PHF21A: variants seen among roughly 807,000 people sequenced by gnomAD.
PHF21A encodes the protein BHC80a.
PHF21A carries 11 observed loss-of-function variants against 82.5 expected under a neutral mutation model. The observed-to-expected ratio is 0.13, with a 90% CI of 0.08 to 0.22. PHF21A has a LOEUF of 0.22. PHF21A is among the 10% of genes least tolerant of loss of function. The pLI is 1.00. For missense variants in PHF21A, 579 were observed against 837.8 expected (o/e 0.69, Z 3.81); for synonymous variants, 297 against 302.8 (o/e 0.98, Z 0.20).
intron 6 of PHF21A, among the ~76,000 whole-genome samples, chr11:46,018,424 G>C (rs1026113756): frequency 4.6e-5 from 7 of 152,060 alleles, no homozygotes; most frequent in Non-Finnish European, 7.4e-5. Flanking sequence ...CTTAGCCTCT[G>C]GTGTATTTGG....
chr11:45,975,707 A>C (rs1591485166), intron 7 of PHF21A, among the ~76,000 whole-genome samples: 1 of 152,190 alleles, frequency 6.6e-6, no homozygotes, highest in East Asian at 1.9e-4. Flanking sequence ...TAGATTGGAA[A>C]ACTTTTAAAA....
At chr11:46,024,393 T>C (rs902900113) in intron 6 of PHF21A, among the ~76,000 whole-genome samples, 1 of 152,216 alleles carries the variant, frequency 6.6e-6, no homozygotes, top group African/African-American at 2.4e-5. Context: ...ATCACTTTTC[T>C]TCCATTAAAA....
intron 6 of PHF21A, among the ~76,000 whole-genome samples, chr11:46,042,671 G>A (rs1264301333): frequency 6.6e-6 from 1 of 152,090 alleles, no homozygotes; most frequent in Non-Finnish European, 1.5e-5. Context: ...ACTGTATTAT[G>A]AGGTGAGGTC....
chr11:46,042,433 T>C (rs1336494049), intron 6 of PHF21A, among the ~76,000 whole-genome samples: 1 of 152,070 alleles, frequency 6.6e-6, no homozygotes, highest in East Asian at 1.9e-4. Context: ...TACGCTGAGG[T>C]ACAGGACAGG....
rs542106044 is a variant in PHF21A at position 46,040,416 on chromosome 11, T to C, written c.153+36338A>G. On this transcript the variant is annotated intron_variant, in intron 6 of 18. Coordinates refer to ENST00000676320, the MANE Select transcript of PHF21A (RefSeq NM_001352027.3). ...AGCATTCTTTAATTCCAAAATAACT[T>C]AGCAATCTAATTATAAGTAGAAGAG... 2.6e-5 allele frequency among the ~76,000 whole-genome samples: 4 copies of C among 152,264 alleles called. No individual in the cohort carries two copies. The East Asian group carries it at 5.8e-4, about 22-fold the overall frequency.
At chr11:45,963,141 C>T (rs1591316703) in intron 10 of PHF21A, among the ~76,000 whole-genome samples, 3 of 151,968 alleles carry the variant, frequency 2.0e-5, no homozygotes, top group South Asian at 2.1e-4. Context: ...ATCTGGGGGC[C>T]GGGTGCGGTG....
At chr11:46,104,293 A>G (rs2097130392) in intron 1 of PHF21A, among the ~76,000 whole-genome samples, 1 of 152,212 alleles carries the variant, frequency 6.6e-6, no homozygotes, top group Non-Finnish European at 1.5e-5. Flanking sequence ...TGACCAGCTG[A>G]TGAGTATTTA....
At chr11:46,120,750 C>T (rs1721201792) in intron 1 of PHF21A, among the ~76,000 whole-genome samples, 185 bp downstream of exon 1, 1 of 151,856 alleles carries the variant, frequency 6.6e-6, no homozygotes, top group African/African-American at 2.4e-5. Flanking sequence ...CCCTACCTCC[C>T]CCCACAACAA....
chr11:45,961,740 G>C (rs955716507), intron 10 of PHF21A, among the ~76,000 whole-genome samples: 2 of 152,086 alleles, frequency 1.3e-5, no homozygotes, highest in African/African-American at 4.8e-5. Flanking sequence ...TTAAATACCT[G>C]ACTTCATTTC....
chr11:45,975,634 G>A (rs898118922), intron 7 of PHF21A, among the ~76,000 whole-genome samples: 1 of 152,038 alleles, frequency 6.6e-6, no homozygotes, highest in Non-Finnish European at 1.5e-5. Flanking sequence ...AAAATTAGAG[G>A]GCTGTGAATA....
chr11:46,021,921 G>A (rs926077548), intron 6 of PHF21A, among the ~76,000 whole-genome samples: 8 of 152,000 alleles, frequency 5.3e-5, no homozygotes, highest in African/African-American at 1.9e-4. Context: ...TTTTGGAAAG[G>A]AAAAAACCAC....
intron 6 of PHF21A, among the ~76,000 whole-genome samples, chr11:46,020,970 T>C (rs1030141080): frequency 2.0e-5 from 3 of 151,942 alleles, no homozygotes; most frequent in African/African-American, 7.3e-5. Flanking sequence ...CCACTTACGA[T>C]AGTTTCAATG....
In PHF21A at chr11:45,999,294, T is replaced by A. The variant is rs187395983; in HGVS notation, c.154-19328A>T. Among the ~76,000 whole-genome samples, 22 of 152,330 alleles carry A rather than the reference T, an allele frequency of 1.4e-4. 1 individual carries two copies. The East Asian group carries it at 4.2e-3, about 29-fold the overall frequency. On this transcript the variant is annotated intron_variant, in intron 6 of 18. Coordinates refer to ENST00000676320, the MANE Select transcript of PHF21A (RefSeq NM_001352027.3). ...TTGTGCAATGCTAACTCAAGGAAAC[T>A]TTTTTGAGATTAAAAATAAAACTTG...
chr11:46,102,407 C>A (rs2097107170), intron 1 of PHF21A, among the ~76,000 whole-genome samples: 1 of 152,218 alleles, frequency 6.6e-6, no homozygotes, highest in Admixed American at 6.5e-5. Flanking sequence ...CAACTATCAA[C>A]CAATGACATG....
At chr11:46,001,989 G>A (rs1203729533) in intron 6 of PHF21A, among the ~76,000 whole-genome samples, 2 of 152,130 alleles carry the variant, frequency 1.3e-5, no homozygotes, top group Non-Finnish European at 2.9e-5. Flanking sequence ...ATGGCAAGAC[G>A]ATGCCATTTC....
chr11:45,971,702 A>G (rs538799373), intron 7 of PHF21A, among the ~76,000 whole-genome samples: 10 of 152,092 alleles, frequency 6.6e-5, no homozygotes, highest in African/African-American at 2.2e-4. Context: ...TAATTCTTTT[A>G]GTTTTTCTAG....
intron 10 of PHF21A, among the ~76,000 whole-genome samples, chr11:45,964,907 C>A (rs1046025179): frequency 1.3e-5 from 2 of 152,190 alleles, no homozygotes; most frequent in African/African-American, 4.8e-5. Flanking sequence ...GAAATGAAAT[C>A]CCTTTCCCTG....
chr11:46,102,448 G>A (rs555996778), intron 1 of PHF21A, among the ~76,000 whole-genome samples: 1 of 152,128 alleles, frequency 6.6e-6, no homozygotes, highest in Non-Finnish European at 1.5e-5. Flanking sequence ...AGGCATCAGT[G>A]GTATTCTGTA....
At chr11:46,099,555 C>CT (rs2097059635) in intron 1 of PHF21A, among the ~76,000 whole-genome samples, 1 of 151,278 alleles carries the variant, frequency 6.6e-6, no homozygotes. Flanking sequence ...CACACACACA[C>CT]ACACACACCC....
Sources: allele counts gnomAD v4.1 joint callset (sites outside exome capture counted in the v4.1 genomes callset), GRCh38; gene constraint gnomAD v4.1.1; transcripts MANE v1.5; gene names NCBI Gene and HGNC (gene_info 2026-07-23, HGNC 2026-07-21).